The following TMPRSS11E variants were observed in gnomAD, a reference collection of about 807,000 sequenced individuals.
TMPRSS11E encodes transmembrane serine protease 11E, also known as transmembrane protease serine 11E.
Under a neutral mutation model 48.1 loss-of-function variants are expected in TMPRSS11E, and 38 were observed. That is an observed-to-expected ratio of 0.79 (90% CI 0.61 to 1.04). The LOEUF (loss-of-function observed/expected upper bound fraction) is 1.04. Ranked by LOEUF, TMPRSS11E falls within the 50% of genes least tolerant of loss-of-function variation. The probability of loss-of-function intolerance (pLI) is 0.00; values close to 1 mark genes in which losing one functional copy is unlikely to be tolerated. For synonymous variants in TMPRSS11E, 158 were observed against 171.9 expected, an observed-to-expected ratio of 0.92 and a Z score of 0.63; for missense variants, 530 against 510.8, an observed-to-expected ratio of 1.04 and a Z score of -0.36.
chr4:68,496,847 T>G lies in TMPRSS11E; in HGVS notation c.*43T>G. On this transcript the variant is annotated 3_prime_UTR_variant, in exon 10 of 10. Transcript: ENST00000305363. ...GAACAGATAACATTTTTTTTTGTTT[T>G]TTGGGTGTGGAGGCCATTTTTAGAG... 1 of 1,563,758 alleles carries G rather than the reference T, an allele frequency of 6.4e-7. No individual in the cohort carries two copies. The highest frequency in any genetic ancestry group is 1.4e-5 in the African/African-American group (1 of 72,416).
chr4:68,477,422 C>G lies in TMPRSS11E; in HGVS notation c.761C>G (p.Ser254Trp). Reference sequence around the variant, plus strand: ...TCCTTTGGAGTAACAATAAAACCTTCGAAAATGAAACGGGGTCTCCGGAGA... The same window carrying G: ...TCCTTTGGAGTAACAATAAAACCTTGGAAAATGAAACGGGGTCTCCGGAGA... ...TASFGVTIKP[S>W]KMKRGLRRII... The change falls in exon 8 of 10, where the codon TCG becomes TGG. Residue 254 changes from serine to tryptophan, a missense_variant. Transcript: ENST00000305363. 2 of 1,613,996 alleles carry G rather than the reference C, an allele frequency of 1.2e-6. No individual in the cohort carries two copies. Among genetic ancestry groups the G allele is most frequent in the Non-Finnish European group, 1.7e-6 (2 of 1,179,940 alleles).
chr4:68,461,851 T>C lies in TMPRSS11E; in HGVS notation c.42T>C (p.Val14=). 6.2e-7 allele frequency: 1 copy of C among 1,614,204 alleles called. No individual in the cohort carries two copies. The highest frequency in any genetic ancestry group is 8.5e-7 in the Non-Finnish European group (1 of 1,180,016). The change falls in exon 2 of 10, where the codon GTT becomes GTC. Residue 14 remains valine, a synonymous_variant. Coordinates refer to ENST00000305363, the MANE Select transcript of TMPRSS11E (RefSeq NM_014058.4). The part of the protein sequence containing the change: ...RPDVVRARKR[V]CWEPWVIGLV... ...ATGTGGTGAGGGCTAGGAAAAGAGTTTGTTGGGAACCCTGGGTTATCGGCC... is the reference window on the plus strand; with the variant it reads ...ATGTGGTGAGGGCTAGGAAAAGAGTCTGTTGGGAACCCTGGGTTATCGGCC...
intron 3 of TMPRSS11E, 76 bp downstream of exon 3, chr4:68,466,828 A>AGAT: frequency 3.2e-6 from 5 of 1,580,154 alleles, no homozygotes; most frequent in Non-Finnish European, 3.5e-6. Context: ...AGCTTCTAAA[A>AGAT]GATCCATTCA....
intron 1 of TMPRSS11E, among the ~76,000 whole-genome samples, chr4:68,450,457 T>C (rs1728465962): frequency 6.6e-6 from 1 of 151,938 alleles, no homozygotes; most frequent in Non-Finnish European, 1.5e-5. Context: ...ATATACTTTT[T>C]TCCCTGTAAC....
At chr4:68,461,970 A>G in intron 2 of TMPRSS11E, 25 bp downstream of exon 2, 4 of 1,613,390 alleles carry the variant, frequency 2.5e-6, no homozygotes, top group Non-Finnish European at 3.4e-6. Flanking sequence ...CCTTGGCATC[A>G]TGTGATTTAC....
At chr4:68,495,958 A>G (rs1729853881) in intron 9 of TMPRSS11E, among the ~76,000 whole-genome samples, 1 of 152,150 alleles carries the variant, frequency 6.6e-6, no homozygotes, top group Admixed American at 6.6e-5. Flanking sequence ...ATCAGCCAGT[A>G]CCTCATTATT....
intron 9 of TMPRSS11E, among the ~76,000 whole-genome samples, chr4:68,488,045 C>T (rs1025047114): frequency 1.1e-4 from 17 of 151,356 alleles, no homozygotes; most frequent in African/African-American, 4.1e-4. Flanking sequence ...ATCCTGATAT[C>T]ACCCCCTTTG....
chr4:68,477,697 C>A, intron 8 of TMPRSS11E, 69 bp downstream of exon 8: 3 of 1,552,332 alleles, frequency 1.9e-6, no homozygotes, highest in Non-Finnish European at 2.6e-6. Context: ...CAATGAAATG[C>A]CATTATGCCA....
At chr4:68,478,189 CAG>C (rs1174149169) in intron 8 of TMPRSS11E, among the ~76,000 whole-genome samples, 4 of 122,268 alleles carry the variant, frequency 3.3e-5, no homozygotes, top group African/African-American at 6.1e-5. Flanking sequence ...CTTGTTGAGA[CAG>C]AGTCTCCAGG....
intron 9 of TMPRSS11E, among the ~76,000 whole-genome samples, chr4:68,480,149 G>C (rs913666663): frequency 2.0e-5 from 3 of 152,060 alleles, no homozygotes; most frequent in Admixed American, 1.3e-4. Context: ...TCAGCTTTTT[G>C]AATATGTAGA....
At chr4:68,466,326 T>G (rs1335992949) in intron 2 of TMPRSS11E, among the ~76,000 whole-genome samples, 1 of 152,194 alleles carries the variant, frequency 6.6e-6, no homozygotes, top group Non-Finnish European at 1.5e-5. Context: ...TGCTGTCTCT[T>G]GTGGCTTACT....
At chr4:68,487,396 A>G (rs1729587635) in intron 9 of TMPRSS11E, among the ~76,000 whole-genome samples, 1 of 151,834 alleles carries the variant, frequency 6.6e-6, no homozygotes, top group African/African-American at 2.4e-5. Flanking sequence ...GGGATTACAA[A>G]TGCATGCCAT....
intron 9 of TMPRSS11E, among the ~76,000 whole-genome samples, chr4:68,491,483 A>G (rs1000091751): frequency 6.6e-6 from 1 of 152,150 alleles, no homozygotes. Flanking sequence ...GGAAAAAAGA[A>G]TAAGTAAGTC....
chr4:68,448,317 T>A (rs1293033972), intron 1 of TMPRSS11E, among the ~76,000 whole-genome samples: 7 of 151,956 alleles, frequency 4.6e-5, no homozygotes, highest in African/African-American at 1.7e-4. Context: ...GAAAAACAGG[T>A]TCTGTCATCA....
chr4:68,461,482 T>A (rs575625796), intron 1 of TMPRSS11E, among the ~76,000 whole-genome samples: 2 of 152,324 alleles, frequency 1.3e-5, no homozygotes, highest in Non-Finnish European at 1.5e-5. Context: ...ATAGCTAACA[T>A]TTAATATTGC....
At chr4:68,487,914 C>T (rs1420629559) in intron 9 of TMPRSS11E, among the ~76,000 whole-genome samples, 1 of 132,250 alleles carries the variant, frequency 7.6e-6, no homozygotes, top group Non-Finnish European at 1.5e-5. Flanking sequence ...GCGCTCCAGC[C>T]TGGGTGACAA....
chr4:68,486,360 A>G (rs2708679), intron 9 of TMPRSS11E, among the ~76,000 whole-genome samples: 50,842 of 152,142 alleles, frequency 0.33, 8,813 homozygotes, highest in Non-Finnish European at 0.37. Flanking sequence ...CATTAATTTC[A>G]AAGAATTTCT....
intron 9 of TMPRSS11E, among the ~76,000 whole-genome samples, chr4:68,481,639 G>T (rs146081186): frequency 0.011 from 1,742 of 152,116 alleles, 130 homozygotes; most frequent in Admixed American, 0.1. Flanking sequence ...GTATTAGGCT[G>T]TTCTTACACT....
intron 8 of TMPRSS11E, among the ~76,000 whole-genome samples, 153 bp downstream of exon 8, chr4:68,477,781 C>T (rs995825098): frequency 7.2e-5 from 11 of 152,160 alleles, no homozygotes; most frequent in Non-Finnish European, 1.5e-4. Context: ...ACTTGGAAGG[C>T]ACAAAAATTC....
Sources: allele counts gnomAD v4.1 joint callset (sites outside exome capture counted in the v4.1 genomes callset), GRCh38; gene constraint gnomAD v4.1.1; transcripts MANE v1.5; gene names NCBI Gene and HGNC (gene_info 2026-07-23, HGNC 2026-07-21).